The following ULK4 variants were observed in gnomAD, a reference collection of about 807,000 sequenced individuals.
ULK4 encodes the protein unc-51 like kinase 4, also known as inactive serine/threonine-protein kinase ULK4.
In ULK4, 133 loss-of-function variants were observed where a neutral mutation model predicts 160.6. That is an observed-to-expected ratio of 0.83 (90% CI 0.72 to 0.96). The LOEUF (loss-of-function observed/expected upper bound fraction) is 0.96. ULK4 is among the 40% of genes least tolerant of loss of function. ULK4 has a pLI of 0.00. For synonymous variants in ULK4, 534 were observed against 539.8 expected (o/e 0.99, Z 0.15); for missense variants, 1,580 against 1,499.5 (o/e 1.05, Z -0.89).
At chr3:41,902,575 C>CAAA (rs35656981) in intron 12 of ULK4, among the ~76,000 whole-genome samples, 1 of 53,204 alleles carries the variant, frequency 1.9e-5, no homozygotes, top group African/African-American at 7.2e-5. Flanking sequence ...GAGACTCCAC[C>CAAA]AAAAAAAAAA....
intron 35 of ULK4, among the ~76,000 whole-genome samples, chr3:41,249,835 G>A (rs927061964): frequency 7.2e-5 from 11 of 152,218 alleles, no homozygotes; most frequent in African/African-American, 2.7e-4. Context: ...GGCCAGTTCA[G>A]GGCAGGGAGC....
rs949600210 is a variant in ULK4, at chr3:41,909,893, T to C, written c.1085+1424A>G. Among the ~76,000 whole-genome samples, 5 of 152,000 alleles carry C rather than the reference T, an allele frequency of 3.3e-5. No individual in the cohort carries two copies. In the East Asian group the frequency reaches 7.7e-4, roughly 23 times the overall value. On this transcript the variant is annotated intron_variant, in intron 11 of 36. Transcript: ENST00000301831. ...ATTTTAAATACTTTAAATATTTACATACTACTAAATTTTTTTTTTTGAGAC... is the reference window on the plus strand; with the variant it reads ...ATTTTAAATACTTTAAATATTTACACACTACTAAATTTTTTTTTTTGAGAC...
At chr3:41,480,578 TCTTC>T (rs2084289284) in intron 32 of ULK4, among the ~76,000 whole-genome samples, 1 of 152,218 alleles carries the variant, frequency 6.6e-6, no homozygotes. Flanking sequence ...ATATATCTTC[TCTTC>T]CTTATGATTT....
At chr3:41,767,367 T>C (rs2039202164) in intron 21 of ULK4, among the ~76,000 whole-genome samples, 1 of 151,784 alleles carries the variant, frequency 6.6e-6, no homozygotes, top group South Asian at 2.1e-4. Context: ...ATTAAAATAC[T>C]TTTTGCTTTT....
chr3:41,297,336 A>G (rs1475770702), intron 35 of ULK4, among the ~76,000 whole-genome samples: 5 of 152,196 alleles, frequency 3.3e-5, no homozygotes, highest in Non-Finnish European at 7.3e-5. Flanking sequence ...AAATGCTTGG[A>G]AAGTGGAACA....
intron 29 of ULK4, among the ~76,000 whole-genome samples, chr3:41,670,747 A>G (rs552933922): frequency 6.6e-6 from 1 of 152,234 alleles, no homozygotes; most frequent in African/African-American, 2.4e-5. Flanking sequence ...GATCAACAGC[A>G]AATTTTCATT....
intron 30 of ULK4, among the ~76,000 whole-genome samples, chr3:41,642,071 T>C (rs1005242250): frequency 6.6e-6 from 1 of 151,058 alleles, no homozygotes; most frequent in African/African-American, 2.5e-5. Context: ...ACGAGGTTTC[T>C]TCATGTTGGT....
chr3:41,839,984 T>C (rs2041864586), intron 17 of ULK4, among the ~76,000 whole-genome samples: 1 of 152,218 alleles, frequency 6.6e-6, no homozygotes, highest in Admixed American at 6.5e-5. Flanking sequence ...CTCAACGTAG[T>C]GGAAAATGTC....
intron 31 of ULK4, among the ~76,000 whole-genome samples, chr3:41,567,597 C>A (rs906515227): frequency 2.0e-5 from 3 of 151,800 alleles, no homozygotes; most frequent in Admixed American, 2.0e-4. Flanking sequence ...CAGGCATGCA[C>A]CGTCATACCC....
chr3:41,372,383 G>A (rs182985399), intron 35 of ULK4, among the ~76,000 whole-genome samples: 4 of 152,078 alleles, frequency 2.6e-5, no homozygotes, highest in African/African-American at 9.7e-5. Flanking sequence ...AAATGTTAAG[G>A]GGAGCCAGAG....
intron 35 of ULK4, among the ~76,000 whole-genome samples, chr3:41,375,692 G>T (rs1368129172): frequency 6.7e-6 from 1 of 150,276 alleles, no homozygotes; most frequent in Non-Finnish European, 1.5e-5. Context: ...AGAAATCCTA[G>T]CCAATACCAT....
At chr3:41,935,465 G>A (rs913328892) in intron 4 of ULK4, among the ~76,000 whole-genome samples, 7 of 151,310 alleles carry the variant, frequency 4.6e-5, no homozygotes, top group African/African-American at 1.2e-4. Flanking sequence ...TCTTGACCTC[G>A]TGATCCGCCC....
intron 32 of ULK4, among the ~76,000 whole-genome samples, chr3:41,497,385 C>G (rs2085032587): frequency 6.6e-6 from 1 of 151,546 alleles, no homozygotes; most frequent in African/African-American, 2.4e-5. Context: ...TGAACTACAC[C>G]AAATAGACTA....
chr3:41,262,810 T>TA (rs2078969775), intron 35 of ULK4, among the ~76,000 whole-genome samples: 1 of 152,212 alleles, frequency 6.6e-6, no homozygotes, highest in African/African-American at 2.4e-5. Context: ...TTCTGGCCAT[T>TA]AAGTCCCATA....
At chr3:41,660,257 T>C (rs955578744) in intron 30 of ULK4, among the ~76,000 whole-genome samples, 2 of 151,476 alleles carry the variant, frequency 1.3e-5, no homozygotes, top group Admixed American at 6.6e-5. Context: ...ATTGTGCCAT[T>C]GCACACCAGC....
intron 31 of ULK4, among the ~76,000 whole-genome samples, chr3:41,581,158 CCTAT>C (rs2030296245): frequency 6.6e-6 from 1 of 152,040 alleles, no homozygotes; most frequent in Non-Finnish European, 1.5e-5. Context: ...TCCTCAGAAG[CCTAT>C]CTTTCTTCAC....
intron 5 of ULK4, 27 bp from the exon 6 acceptor site, chr3:41,919,845 C>A: frequency 6.5e-7 from 1 of 1,548,294 alleles, no homozygotes; most frequent in Non-Finnish European, 8.9e-7. Context: ...AAGAACAGCT[C>A]GGTTAGGCAT....
At chr3:41,592,022 T>A (rs1309826075) in intron 31 of ULK4, among the ~76,000 whole-genome samples, 2 of 152,202 alleles carry the variant, frequency 1.3e-5, no homozygotes, top group East Asian at 3.9e-4. Flanking sequence ...GGAACTTTTG[T>A]TCCAGAACTA....
chr3:41,896,744 A>C (rs1698172225), intron 15 of ULK4, 78 bp downstream of exon 15: 2 of 1,453,424 alleles, frequency 1.4e-6, no homozygotes, highest in Non-Finnish European at 1.8e-6. Context: ...TAGTTAAATC[A>C]AATTGTTATT....
Sources: allele counts gnomAD v4.1 joint callset (sites outside exome capture counted in the v4.1 genomes callset), GRCh38; gene constraint gnomAD v4.1.1; transcripts MANE v1.5; gene names NCBI Gene and HGNC (gene_info 2026-07-23, HGNC 2026-07-21).